AAMP: variants seen among roughly 807,000 people sequenced by gnomAD.
The protein encoded by AAMP is angio associated migratory cell protein, also known as angio-associated migratory cell protein.
AAMP carries 12 observed loss-of-function variants against 51.1 expected under a neutral mutation model. The ratio of observed to expected loss-of-function variants is 0.23; its 90% confidence interval spans 0.15 to 0.38. The LOEUF is 0.38. Among genes scored for constraint, AAMP ranks in the 10% least tolerant of loss-of-function variants. The pLI is 1.00. For missense variants in AAMP, 418 were observed against 557.2 expected, an observed-to-expected ratio of 0.75 and a Z score of 2.52; for synonymous variants, 210 against 218.7, an observed-to-expected ratio of 0.96 and a Z score of 0.35.
Position 218,267,042 on chromosome 2 carries a change from G to T in AAMP, c.395-56C>A. On this transcript the variant is annotated intron_variant, in intron 3 of 10. Transcript: ENST00000248450. The surrounding 1 kb of genome is among the most constrained non-coding windows in gnomAD (Gnocchi z 4.6). ...AAAAAAATAGGGTACCTGGTGCTGG[G>T]GGCATGTGATTCTGGTATCTGGCCC... The T allele has an allele frequency of 6.3e-7, 1 of 1,599,096 alleles. No individual in the cohort carries two copies. Among genetic ancestry groups the T allele is most frequent in the South Asian group, 1.1e-5 (1 of 90,162 alleles).
At position 218,265,752 on chromosome 2, in the gene AAMP, G is replaced by A. The variant is rs1690611072; in HGVS notation, c.880-70C>T. 2 of 1,575,584 alleles carry A rather than the reference G, an allele frequency of 1.3e-6. No individual in the cohort carries two copies. The highest frequency in any genetic ancestry group is 2.2e-5 in the East Asian group (1 of 44,698). The stretch of plus-strand genomic sequence containing the variant: ...TTGATGGAGAGAAAGACGGTGGGGA[G>A]AGGAGACAGTGAAGACCCAGGAAGG... On this transcript the variant is annotated intron_variant, in intron 7 of 10. Transcript: ENST00000248450. The surrounding 1 kb of genome is among the most constrained non-coding windows in gnomAD (Gnocchi z 6.6).
intron 2 of AAMP, among the ~76,000 whole-genome samples, chr2:218,269,162 G>A (rs1434933012): frequency 6.6e-6 from 1 of 152,194 alleles, no homozygotes; most frequent in Non-Finnish European, 1.5e-5. Context: ...AAAACTAAGA[G>A]GTTAATCAAG....
Position 218,264,408 on chromosome 2 carries a change from G to C in AAMP, c.*125C>G, listed in dbSNP as rs1690566934. On this transcript the variant is annotated 3_prime_UTR_variant, in exon 11 of 11. Transcript: ENST00000248450. ...GAGAGGGGAGCAAGTCAGTTGAAGA[G>C]GCTGGAAAGTCATCCAGGGCCCCAC... 7 of 911,060 alleles carry C rather than the reference G, an allele frequency of 7.7e-6. No homozygotes were observed. Among genetic ancestry groups the C allele is most frequent in the Non-Finnish European group, 1.3e-5 (7 of 559,304 alleles). 56.4% of individuals were successfully genotyped at this position (911,060 alleles called of 1,614,324 possible).
At position 218,269,405 on chromosome 2, in the gene AAMP, T is replaced by C; in HGVS notation, c.251A>G (p.Glu84Gly). Reference sequence around the variant, plus strand: ...ACCTGAGTGCAATGCAAAGGTGACCTCGCTATCGTCGGGGCCCTCCATGCT... The same window carrying C: ...ACCTGAGTGCAATGCAAAGGTGACCCCGCTATCGTCGGGGCCCTCCATGCT... ...VGSMEGPDDS[E>G]VTFALHSASV... Residue 84 changes from glutamate to glycine, a missense_variant, in exon 2 of 11, where the codon GAG becomes GGG. Physicochemically the swap from Glu to Gly is moderately conservative, Grantham distance 98. Coordinates refer to ENST00000248450, the MANE Select transcript of AAMP (RefSeq NM_001087.5). 6.2e-7 allele frequency: 1 copy of C among 1,614,138 alleles called. No homozygotes were observed. Among genetic ancestry groups the C allele is most frequent in the Non-Finnish European group, 8.5e-7 (1 of 1,180,038 alleles).
chr2:218,270,125 G>C lies in AAMP; in HGVS notation c.-39C>G, dbSNP rs756060466. On this transcript the variant is annotated 5_prime_UTR_variant, in exon 1 of 11. Transcript: ENST00000248450. Reference sequence around the variant, plus strand: ...CGGATCCACTTCTCTGGGCCCAAACGCCTCCCAGAGTCAGCTCTGCGCGAC... The same window carrying C: ...CGGATCCACTTCTCTGGGCCCAAACCCCTCCCAGAGTCAGCTCTGCGCGAC... The C allele has an allele frequency of 1.2e-5, 19 of 1,609,304 alleles. No homozygotes were observed. Among genetic ancestry groups the C allele is most frequent in the Non-Finnish European group, 1.6e-5 (19 of 1,177,384 alleles).
Position 218,266,198 on chromosome 2 carries a change from T to C in AAMP, c.680-51A>G, listed in dbSNP as rs762611900. 6.5e-7 allele frequency: 1 copy of C among 1,531,120 alleles called. No homozygotes were observed. Among genetic ancestry groups the C allele is most frequent in the Admixed American group, 1.7e-5 (1 of 59,668 alleles). The allele number at this position is 1,531,120 out of a possible 1,614,324, so 94.8% of individuals were successfully genotyped here. ...GGGCAGAGGGCACGCTCACATACAC[T>C]AAGCAAGGGAATGGGGAGAGGGAGA... On this transcript the variant is annotated intron_variant, in intron 5 of 10. Coordinates refer to ENST00000248450, the MANE Select transcript of AAMP (RefSeq NM_001087.5). This position sits in a 1 kb window ranked among gnomAD's most constrained non-coding sequence, Gnocchi z 4.7.
Position 218,267,634 on chromosome 2 carries a change from T to A in AAMP, c.275-21A>T. The A allele has an allele frequency of 6.2e-7, 1 of 1,614,120 alleles. No individual in the cohort carries two copies. ...AGATGCTGTCCCAAGAGATATTCCATGGGTAAGGGGACAGAGCTCCCACCT... is the reference window on the plus strand; with the variant it reads ...AGATGCTGTCCCAAGAGATATTCCAAGGGTAAGGGGACAGAGCTCCCACCT... On this transcript the variant is annotated intron_variant, in intron 2 of 10. Coordinates refer to ENST00000248450, the MANE Select transcript of AAMP (RefSeq NM_001087.5). The surrounding 1 kb of genome is among the most constrained non-coding windows in gnomAD (Gnocchi z 4.6).
intron 1 of AAMP, 98 bp downstream of exon 1, chr2:218,269,868 A>T: frequency 1.3e-6 from 2 of 1,552,496 alleles, no homozygotes; most frequent in Non-Finnish European, 8.8e-7. Flanking sequence ...ATCGGTAGGA[A>T]TGACCAGTCG....
rs200467516 is a variant in AAMP at position 218,270,127 on chromosome 2, C to G, written c.-41G>C. On this transcript the variant is annotated 5_prime_UTR_variant, in exon 1 of 11. Coordinates refer to ENST00000248450, the MANE Select transcript of AAMP (RefSeq NM_001087.5). ...GATCCACTTCTCTGGGCCCAAACGC[C>G]TCCCAGAGTCAGCTCTGCGCGACGA... 8.7e-6 allele frequency: 14 copies of G among 1,608,486 alleles called. No individual in the cohort carries two copies. Among genetic ancestry groups the G allele is most frequent in the Middle Eastern group, 3.3e-4 (2 of 6,018 alleles).
At position 218,266,090 on chromosome 2, in the gene AAMP, T is replaced by G. The variant is rs922151100; in HGVS notation, c.737A>C (p.Gln246Pro). ...DGTIRIWDLK[Q>P]GSPIHVLKGT... ...TTTCAGTACATGGATAGGGCTTCCC[T>G]GCTTCAGGTCCCAAATCCTGATGGT... Residue 246 changes from glutamine (Q) to proline (P), a missense_variant, in exon 6 of 11, where the codon CAG becomes CCG. Gln to Pro is a moderately conservative substitution (Grantham distance 76). Coordinates refer to ENST00000248450, the MANE Select transcript of AAMP (RefSeq NM_001087.5). The surrounding 1 kb of genome is among the most constrained non-coding windows in gnomAD (Gnocchi z 4.7). The G allele has an allele frequency of 7.4e-6, 12 of 1,614,202 alleles. No individual in the cohort carries two copies. Among genetic ancestry groups the G allele is most frequent in the Non-Finnish European group, 1.0e-5 (12 of 1,180,012 alleles).
In AAMP at chr2:218,266,220, G is replaced by A; in HGVS notation, c.680-73C>T. Reference sequence around the variant, plus strand: ...CACTAAGCAAGGGAATGGGGAGAGGGAGAGGAAAGAAGAGTGGAAGGGCCC... The same window carrying A: ...CACTAAGCAAGGGAATGGGGAGAGGAAGAGGAAAGAAGAGTGGAAGGGCCC... On this transcript the variant is annotated intron_variant, in intron 5 of 10. Transcript: ENST00000248450. This position sits in a 1 kb window ranked among gnomAD's most constrained non-coding sequence, Gnocchi z 4.7. 6.8e-7 allele frequency: 1 copy of A among 1,463,178 alleles called. No homozygotes were observed. The highest frequency in any genetic ancestry group is 1.2e-5 in the South Asian group (1 of 86,752). 90.6% of individuals were successfully genotyped at this position (1,463,178 alleles called of 1,614,324 possible).
chr2:218,270,092 G>A lies in AAMP; in HGVS notation c.-6C>T. 1 of 1,613,550 alleles carries A rather than the reference G, an allele frequency of 6.2e-7. No individual in the cohort carries two copies. The highest frequency in any genetic ancestry group is 8.5e-7 in the Non-Finnish European group (1 of 1,179,756). ...CTTTCCGATTCGGACTCCATGCGGC[G>A]CAAGCGGCGGATCCACTTCTCTGGG... On this transcript the variant is annotated 5_prime_UTR_variant, in exon 1 of 11. Transcript: ENST00000248450.
At position 218,266,186 on chromosome 2, in the gene AAMP, G is replaced by A. The variant is rs748174891; in HGVS notation, c.680-39C>T. ...CAGATGAAGAGAGGGCAGAGGGCAC[G>A]CTCACATACACTAAGCAAGGGAATG... On this transcript the variant is annotated intron_variant, in intron 5 of 10. Transcript: ENST00000248450. This position sits in a 1 kb window ranked among gnomAD's most constrained non-coding sequence, Gnocchi z 4.7. 6.4e-6 allele frequency: 10 copies of A among 1,566,200 alleles called. No individual in the cohort carries two copies. In the South Asian group the frequency reaches 6.7e-5, roughly 10 times the overall value.
In AAMP at chr2:218,266,194, A is replaced by G; in HGVS notation, c.680-47T>C. The G allele has an allele frequency of 6.5e-7, 1 of 1,548,236 alleles. No individual in the cohort carries two copies. Among genetic ancestry groups the G allele is most frequent in the Non-Finnish European group, 8.9e-7 (1 of 1,120,742 alleles). ...GAGAGGGCAGAGGGCACGCTCACATACACTAAGCAAGGGAATGGGGAGAGG... is the reference window on the plus strand; with the variant it reads ...GAGAGGGCAGAGGGCACGCTCACATGCACTAAGCAAGGGAATGGGGAGAGG... On this transcript the variant is annotated intron_variant, in intron 5 of 10. Coordinates refer to ENST00000248450, the MANE Select transcript of AAMP (RefSeq NM_001087.5). The surrounding 1 kb of genome is among the most constrained non-coding windows in gnomAD (Gnocchi z 4.7).
At chr2:218,264,918 C>A in intron 10 of AAMP, 102 bp downstream of exon 10, 1 of 1,544,532 alleles carries the variant, frequency 6.5e-7, no homozygotes, top group Non-Finnish European at 8.9e-7. Flanking sequence ...TGCATTCCTG[C>A]CTTAGGAATC....
chr2:218,268,381 C>G (rs1235853506), intron 2 of AAMP, among the ~76,000 whole-genome samples: 2 of 152,048 alleles, frequency 1.3e-5, no homozygotes, highest in African/African-American at 4.8e-5. Flanking sequence ...CTCTGTCGCC[C>G]AGGCCGAAGC....
Position 218,264,210 on chromosome 2 carries a change from G to A in AAMP, c.*323C>T. The stretch of plus-strand genomic sequence containing the variant: ...CTTTCCACCCCCAGAGACTTGGGAA[G>A]GGAAAGAACGGGAACCTCAAACACC... On this transcript the variant is annotated 3_prime_UTR_variant, in exon 11 of 11. Coordinates refer to ENST00000248450, the MANE Select transcript of AAMP (RefSeq NM_001087.5). The A allele has an allele frequency of 5.1e-6, 2 of 391,942 alleles. No homozygotes were observed. The highest frequency in any genetic ancestry group is 9.2e-6 in the Non-Finnish European group (2 of 216,820). The allele number at this position is 391,942 out of a possible 1,614,324, so 24.3% of individuals were successfully genotyped here. A position where few individuals can be genotyped will look rare whatever the true frequency, so the allele number is the denominator to read the frequency against.
chr2:218,270,012 T>C lies in AAMP; in HGVS notation c.75A>G (p.Glu25=), dbSNP rs1245140848. The C allele has an allele frequency of 1.2e-6, 2 of 1,613,824 alleles. No individual in the cohort carries two copies. The highest frequency in any genetic ancestry group is 2.7e-5 in the African/African-American group (2 of 74,914). Residue 25 remains glutamate (E), a synonymous_variant, in exon 1 of 11, where the codon GAA becomes GAG. Coordinates refer to ENST00000248450, the MANE Select transcript of AAMP (RefSeq NM_001087.5). ...CAAGTTCTACCACCTCGATAATCTC[T>C]TCATCACCATGGAAGCTTAGGGTCT... ...PLETLSFHGD[E]EIIEVVELDP...
In AAMP at chr2:218,267,301, G is replaced by A; in HGVS notation, c.394+193C>T. 1 of 849,220 alleles carries A rather than the reference G, an allele frequency of 1.2e-6. No homozygotes were observed. Among genetic ancestry groups the A allele is most frequent in the South Asian group, 1.7e-5 (1 of 59,326 alleles). The allele number at this position is 849,220 out of a possible 1,614,324, so 52.6% of individuals were successfully genotyped here. On this transcript the variant is annotated intron_variant, in intron 3 of 10. Transcript: ENST00000248450. This position sits in a 1 kb window ranked among gnomAD's most constrained non-coding sequence, Gnocchi z 4.6. ...TCTCTGGCCTTTCCTGGATTCCCTT[G>A]GCCAATTAGTGCCTCCTGCCTCTGT...
Sources: gnomAD v4.1 joint callset for allele counts (sites outside exome capture counted in the v4.1 genomes callset) on GRCh38, gnomAD v4.1.1 for gene constraint, Gnocchi (gnomAD v3.1) non-coding constraint, MANE v1.5 for transcripts, NCBI Gene and HGNC (gene_info 2026-07-23, HGNC 2026-07-21) for gene names.